Variants in EDIL3 observed in about 807,000 individuals in gnomAD.
The protein encoded by EDIL3 is EGF-like repeat and discoidin I-like domain-containing protein 3.
A neutral mutation model predicts 67.4 loss-of-function variants in EDIL3; 37 were observed. The ratio of observed to expected loss-of-function variants is 0.55; its 90% confidence interval spans 0.42 to 0.72. The LOEUF (loss-of-function observed/expected upper bound fraction) is 0.72. Ranked by LOEUF, EDIL3 falls within the 30% of genes least tolerant of loss-of-function variation. The probability of loss-of-function intolerance (pLI) is 0.00; values close to 1 mark genes in which losing one functional copy is unlikely to be tolerated. For synonymous variants in EDIL3, 195 were observed against 196.3 expected (o/e 0.99, Z 0.05); for missense variants, 527 against 586.3 (o/e 0.90, Z 1.04).
At chr5:84,128,972 C>T (rs918119681) in intron 5 of EDIL3, among the ~76,000 whole-genome samples, 4 of 152,092 alleles carry the variant, frequency 2.6e-5, no homozygotes, top group Admixed American at 1.3e-4. Context: ...AATGAGAATA[C>T]GACTCCATTT....
intron 5 of EDIL3, among the ~76,000 whole-genome samples, chr5:84,135,831 T>C (rs1422138499): frequency 6.6e-6 from 1 of 152,190 alleles, no homozygotes; most frequent in African/African-American, 2.4e-5. Flanking sequence ...AAGTTTTTTT[T>C]TTCCCAATTC....
At chr5:84,369,804 C>T (rs1747808064) in intron 1 of EDIL3, among the ~76,000 whole-genome samples, 1 of 152,118 alleles carries the variant, frequency 6.6e-6, no homozygotes, top group Non-Finnish European at 1.5e-5. Flanking sequence ...CCCCCAAACG[C>T]TGTATGATAT....
chr5:84,259,060 C>T (rs756103948), intron 1 of EDIL3, among the ~76,000 whole-genome samples: 34 of 149,028 alleles, frequency 2.3e-4, no homozygotes, highest in South Asian at 6.5e-4. Context: ...CCCAGGTTCA[C>T]GCTATTCTCC....
intron 1 of EDIL3, among the ~76,000 whole-genome samples, chr5:84,328,963 A>G (rs1580081022): frequency 2.0e-5 from 3 of 152,054 alleles, no homozygotes; most frequent in East Asian, 3.8e-4. Context: ...CCACAGAACC[A>G]TCAGTCTTAC....
intron 1 of EDIL3, among the ~76,000 whole-genome samples, chr5:84,371,468 G>C (rs1388632834): frequency 2.1e-5 from 3 of 145,906 alleles, no homozygotes; most frequent in Non-Finnish European, 4.5e-5. Context: ...GAGAGAGAGA[G>C]AGAGAGAGAA....
intron 3 of EDIL3, among the ~76,000 whole-genome samples, chr5:84,181,570 G>A (rs146092303): frequency 7.2e-5 from 11 of 152,232 alleles, no homozygotes; most frequent in African/African-American, 2.4e-4. Context: ...GTCACGGTCT[G>A]TAGGCTCATC....
chr5:84,041,713 GAT>G (rs1016958992), intron 9 of EDIL3, among the ~76,000 whole-genome samples: 5 of 144,472 alleles, frequency 3.5e-5, no homozygotes, highest in Non-Finnish European at 7.5e-5. Context: ...TATATATATA[GAT>G]ATATATAAAA....
chr5:84,098,544 CA>C (rs1747306733), intron 6 of EDIL3, among the ~76,000 whole-genome samples: 1 of 13,520 alleles, frequency 7.4e-5, no homozygotes, highest in African/African-American at 4.6e-4. Context: ...AATGCATTAA[CA>C]AAATATATAT....
At chr5:84,093,919 A>T (rs986247143) in intron 6 of EDIL3, among the ~76,000 whole-genome samples, 2 of 152,062 alleles carry the variant, frequency 1.3e-5, no homozygotes, top group Non-Finnish European at 2.9e-5. Context: ...CAGCCTCCCA[A>T]ATTGCTGGGA....
intron 3 of EDIL3, among the ~76,000 whole-genome samples, chr5:84,219,888 A>T (rs926041829): frequency 2.0e-5 from 3 of 152,090 alleles, no homozygotes; most frequent in East Asian, 3.9e-4. Flanking sequence ...GCATATTCTC[A>T]CTTATTTACA....
At chr5:84,252,548 T>G (rs1258190245) in intron 2 of EDIL3, among the ~76,000 whole-genome samples, 1 of 146,428 alleles carries the variant, frequency 6.8e-6, no homozygotes, top group Non-Finnish European at 1.5e-5. Context: ...TCTTAATCAT[T>G]TACCTACATT....
intron 1 of EDIL3, among the ~76,000 whole-genome samples, chr5:84,383,974 G>A (rs1748157439): frequency 1.3e-5 from 2 of 152,132 alleles, no homozygotes; most frequent in South Asian, 2.1e-4. Context: ...CGCCCGCACT[G>A]CCTAGGGAGG....
chr5:84,280,181 C>G (rs999687308), intron 1 of EDIL3, among the ~76,000 whole-genome samples: 2 of 152,274 alleles, frequency 1.3e-5, no homozygotes, highest in Non-Finnish European at 2.9e-5. Flanking sequence ...AATCATATCC[C>G]TCATTGCCCT....
intron 4 of EDIL3, among the ~76,000 whole-genome samples, chr5:84,151,898 T>C (rs1191060724): frequency 6.6e-6 from 1 of 151,508 alleles, no homozygotes; most frequent in East Asian, 1.9e-4. Flanking sequence ...TCTAGTTCTC[T>C]TTGCTGCTTC....
At chr5:84,164,441 T>A (rs1358042656) in intron 4 of EDIL3, among the ~76,000 whole-genome samples, 3 of 152,092 alleles carry the variant, frequency 2.0e-5, no homozygotes, top group African/African-American at 7.2e-5. Flanking sequence ...ATATTTATAG[T>A]ACAGCTACCA....
At chr5:83,970,842 C>T (rs750476208) in intron 9 of EDIL3, among the ~76,000 whole-genome samples, 4 of 151,208 alleles carry the variant, frequency 2.6e-5, no homozygotes, top group Non-Finnish European at 5.9e-5. Flanking sequence ...ATAAAGGTTT[C>T]TTGTATTGCT....
chr5:84,177,017 A>G (rs1748929572), intron 4 of EDIL3, among the ~76,000 whole-genome samples: 1 of 152,102 alleles, frequency 6.6e-6, no homozygotes, highest in Non-Finnish European at 1.5e-5. Context: ...GCCATGTTGG[A>G]GACCTTTTGA....
At chr5:84,208,818 G>A (rs1452398265) in intron 3 of EDIL3, among the ~76,000 whole-genome samples, 32 of 151,326 alleles carry the variant, frequency 2.1e-4, no homozygotes, top group African/African-American at 6.1e-4. Flanking sequence ...TCAGTGTGGC[G>A]ATTCCTCAGG....
intron 1 of EDIL3, among the ~76,000 whole-genome samples, chr5:84,359,247 CAGG>C (rs1429047802): frequency 6.6e-6 from 1 of 152,096 alleles, no homozygotes; most frequent in Non-Finnish European, 1.5e-5. Flanking sequence ...TTGTGCAAAA[CAGG>C]TATATCCAAT....
Sources: gnomAD v4.1 joint callset for allele counts (sites outside exome capture counted in the v4.1 genomes callset) on GRCh38, gnomAD v4.1.1 for gene constraint, MANE v1.5 for transcripts, NCBI Gene and HGNC (gene_info 2026-07-23, HGNC 2026-07-21) for gene names.